The following ADGRB3 variants were observed in gnomAD, a reference collection of about 807,000 sequenced individuals.
ADGRB3 encodes the protein adhesion G protein-coupled receptor B3.
ADGRB3 carries 37 observed loss-of-function variants against 193.4 expected under a neutral mutation model. That is an observed-to-expected ratio of 0.19 (90% CI 0.15 to 0.25). ADGRB3 has a LOEUF of 0.25. ADGRB3 is among the 10% of genes least tolerant of loss of function. ADGRB3 has a pLI of 1.00. For synonymous variants in ADGRB3, 690 were observed against 644.2 expected (o/e 1.07, Z -1.08); for missense variants, 1,637 against 1,852.9 (o/e 0.88, Z 2.14).
At chr6:68,725,945 G>T (rs947539282) in intron 3 of ADGRB3, among the ~76,000 whole-genome samples, 4 of 151,448 alleles carry the variant, frequency 2.6e-5, no homozygotes, top group Non-Finnish European at 4.4e-5. Context: ...ATAGAGGAAG[G>T]GTGGAGGTGA....
intron 20 of ADGRB3, among the ~76,000 whole-genome samples, chr6:69,263,265 C>T (rs1766968272): frequency 6.6e-6 from 1 of 151,934 alleles, no homozygotes; most frequent in Admixed American, 6.6e-5. Context: ...GTATTGATGT[C>T]CACAGGGAAT....
At chr6:69,287,365 C>A (rs917023278) in intron 20 of ADGRB3, among the ~76,000 whole-genome samples, 2 of 151,980 alleles carry the variant, frequency 1.3e-5, no homozygotes, top group Admixed American at 1.3e-4. Context: ...TAGGAAAACT[C>A]TTTACATGTG....
intron 4 of ADGRB3, among the ~76,000 whole-genome samples, chr6:68,936,109 G>C (rs986436235): frequency 6.6e-6 from 1 of 152,078 alleles, no homozygotes; most frequent in Non-Finnish European, 1.5e-5. Context: ...GACTAAGGAG[G>C]AACACATCAA....
chr6:68,890,504 T>A (rs1766042638), intron 3 of ADGRB3, among the ~76,000 whole-genome samples: 1 of 152,326 alleles, frequency 6.6e-6, no homozygotes, highest in African/African-American at 2.4e-5. Context: ...AGAGAGAGTA[T>A]TTCCTTATAG....
intron 3 of ADGRB3, among the ~76,000 whole-genome samples, chr6:68,822,734 CTG>C (rs1298288338): frequency 1.3e-5 from 2 of 151,910 alleles, no homozygotes; most frequent in African/African-American, 4.8e-5. Flanking sequence ...TTCAGAAACT[CTG>C]TAGTGATCTT....
At chr6:68,707,779 T>C (rs1186066507) in intron 3 of ADGRB3, among the ~76,000 whole-genome samples, 2 of 152,130 alleles carry the variant, frequency 1.3e-5, no homozygotes, top group Non-Finnish European at 2.9e-5. Flanking sequence ...TTATTATCAT[T>C]CCCCCTACTT....
chr6:69,024,905 A>C (rs542457603), intron 13 of ADGRB3, among the ~76,000 whole-genome samples: 10 of 152,140 alleles, frequency 6.6e-5, no homozygotes, highest in African/African-American at 2.4e-4. Flanking sequence ...ATCCTGGCTA[A>C]CATGGCGAAA....
At chr6:69,092,963 G>A (rs75852702) in intron 17 of ADGRB3, among the ~76,000 whole-genome samples, 1 of 150,988 alleles carries the variant, frequency 6.6e-6, no homozygotes, top group African/African-American at 2.4e-5. Context: ...GGGTAGAGCA[G>A]TAGACAGCCT....
At chr6:69,180,704 G>C (rs1164486406) in intron 17 of ADGRB3, among the ~76,000 whole-genome samples, 6 of 152,170 alleles carry the variant, frequency 3.9e-5, no homozygotes. Flanking sequence ...TTCTGCCTCA[G>C]GCCTGCAATG....
At chr6:68,730,078 G>A (rs1308338684) in intron 3 of ADGRB3, among the ~76,000 whole-genome samples, 1 of 151,462 alleles carries the variant, frequency 6.6e-6, no homozygotes, top group Admixed American at 6.6e-5. Flanking sequence ...TGGAAAATAG[G>A]ATAAAGGTCT....
intron 17 of ADGRB3, among the ~76,000 whole-genome samples, chr6:69,217,603 T>C (rs755598702): frequency 1.3e-5 from 2 of 152,170 alleles, no homozygotes; most frequent in Non-Finnish European, 2.9e-5. Context: ...AAGCAGGGTG[T>C]CGCCCAGCCC....
At chr6:69,312,570 G>A (rs1029785783) in intron 20 of ADGRB3, among the ~76,000 whole-genome samples, 1 of 151,540 alleles carries the variant, frequency 6.6e-6, no homozygotes, top group Non-Finnish European at 1.5e-5. Context: ...TTCAGTTGTA[G>A]TGGTTGTTTA....
At chr6:68,777,426 C>A (rs1766768964) in intron 3 of ADGRB3, among the ~76,000 whole-genome samples, 1 of 151,956 alleles carries the variant, frequency 6.6e-6, no homozygotes. Context: ...CTGTGAATAT[C>A]TCTATACTTT....
intron 20 of ADGRB3, among the ~76,000 whole-genome samples, chr6:69,257,742 G>A (rs1318709531): frequency 6.6e-6 from 1 of 152,194 alleles, no homozygotes; most frequent in Non-Finnish European, 1.5e-5. Flanking sequence ...CTCAAAGGGA[G>A]ATAGCATGAA....
chr6:69,288,028 T>C (rs1425158580), intron 20 of ADGRB3, among the ~76,000 whole-genome samples: 1 of 152,140 alleles, frequency 6.6e-6, no homozygotes, highest in African/African-American at 2.4e-5. Flanking sequence ...CAATAAAACT[T>C]GTTTCATTTT....
intron 3 of ADGRB3, among the ~76,000 whole-genome samples, chr6:68,888,575 A>ACACAC (rs3036624): frequency 1.3e-5 from 2 of 151,492 alleles, no homozygotes; most frequent in African/African-American, 2.4e-5. Flanking sequence ...ACACACACAC[A>ACACAC]TAAAAAAAAC....
chr6:69,053,935 G>A (rs677389), intron 15 of ADGRB3, among the ~76,000 whole-genome samples: 75,064 of 151,990 alleles, frequency 0.49, 20,627 homozygotes, highest in East Asian at 0.96. Context: ...ACAATCATTT[G>A]TCTGATTCAT....
At chr6:69,038,091 A>C (rs1770927518) in intron 13 of ADGRB3, among the ~76,000 whole-genome samples, 1 of 152,178 alleles carries the variant, frequency 6.6e-6, no homozygotes, top group African/African-American at 2.4e-5. Flanking sequence ...GGATAAATAC[A>C]TGTATAGAAT....
At chr6:69,236,264 A>T (rs987345793) in intron 19 of ADGRB3, among the ~76,000 whole-genome samples, 1 of 152,062 alleles carries the variant, frequency 6.6e-6, no homozygotes. Context: ...ATACAAAAGT[A>T]AAAATTATGT....
Sources: gnomAD v4.1 joint callset for allele counts (sites outside exome capture counted in the v4.1 genomes callset) on GRCh38, gnomAD v4.1.1 for gene constraint, MANE v1.5 for transcripts, NCBI Gene and HGNC (gene_info 2026-07-23, HGNC 2026-07-21) for gene names.